Variants in ZNF100 observed in about 807,000 individuals in gnomAD.
ZNF100 encodes the protein zinc finger protein 100.
ZNF100 carries 12 observed loss-of-function variants against 15.8 expected under a neutral mutation model. That is an observed-to-expected ratio of 0.76 (90% CI 0.49 to 1.23). The LOEUF is 1.23. Ranked by LOEUF, ZNF100 falls within the 50% of genes most tolerant of loss-of-function variation. The pLI is 0.00. For missense variants in ZNF100, 670 were observed against 635.6 expected (o/e 1.05, Z -0.58); for synonymous variants, 226 against 214.8 (o/e 1.05, Z -0.45).
chr19:21,736,714 C>G (rs537483628), intron 4 of ZNF100, among the ~76,000 whole-genome samples: 2 of 152,250 alleles, frequency 1.3e-5, no homozygotes, highest in South Asian at 4.2e-4. Context: ...ACAGTGCAAT[C>G]AAATTAGAAC....
At chr19:21,765,032 A>G (rs2036537485) in intron 2 of ZNF100, among the ~76,000 whole-genome samples, 1 of 152,206 alleles carries the variant, frequency 6.6e-6, no homozygotes, top group South Asian at 2.1e-4. Context: ...AACACACCTG[A>G]GAAAATTCCT....
intron 2 of ZNF100, among the ~76,000 whole-genome samples, chr19:21,764,753 A>G (rs1049625706): frequency 6.6e-6 from 1 of 152,202 alleles, no homozygotes; most frequent in Non-Finnish European, 1.5e-5. Context: ...GAGCACTTCT[A>G]AACAGTACCG....
chr19:21,727,122 C>G lies in ZNF100; in HGVS notation c.1190G>C (p.Gly397Ala), dbSNP rs1457971985. The G allele has an allele frequency of 6.2e-7, 1 of 1,611,762 alleles. No individual in the cohort carries two copies. Among genetic ancestry groups the G allele is most frequent in the Admixed American group, 1.7e-5 (1 of 59,920 alleles). ...YLTKHKTSHT[G>A]EKFYKCEECG... ...TTCTTCACATTTGTAGAATTTCTCT[C>G]CAGTATGACTTGTCTTATGTTTAGT... is the stretch of plus-strand genomic sequence containing the variant. The change falls in exon 5 of 5, where the codon GGA becomes GCA. Residue 397 changes from glycine (G) to alanine (A), a missense_variant. Transcript: ENST00000358296.
chr19:21,743,758 C>T (rs2036160247), intron 4 of ZNF100, among the ~76,000 whole-genome samples: 1 of 149,994 alleles, frequency 6.7e-6, no homozygotes, highest in South Asian at 2.1e-4. Flanking sequence ...AGGACTCTGG[C>T]TCTCACTGTA....
chr19:21,742,601 T>C (rs945347562), intron 4 of ZNF100, among the ~76,000 whole-genome samples: 2 of 152,112 alleles, frequency 1.3e-5, no homozygotes, highest in Non-Finnish European at 2.9e-5. Context: ...TCAATGCTTC[T>C]ATTTTAACGT....
intron 4 of ZNF100, among the ~76,000 whole-genome samples, chr19:21,730,680 TCAA>T (rs1486171909): frequency 1.3e-5 from 2 of 152,152 alleles, no homozygotes; most frequent in Non-Finnish European, 1.5e-5. Flanking sequence ...AGAAGATTCC[TCAA>T]CAATATCGGG....
chr19:21,762,658 T>C (rs2036499939), intron 2 of ZNF100, among the ~76,000 whole-genome samples: 1 of 152,150 alleles, frequency 6.6e-6, no homozygotes, highest in Non-Finnish European at 1.5e-5. Context: ...AAGATTGATC[T>C]TCGTCCCACT....
rs1568286971 is a variant in ZNF100 at position 21,727,314 on chromosome 19, G to C, written c.998C>G (p.Thr333Ser). Residue 333 changes from threonine to serine, a missense_variant, in exon 5 of 5, where the codon ACT becomes AGT. Physicochemically the swap from Thr to Ser is moderately conservative, Grantham distance 58. Coordinates refer to ENST00000358296, the MANE Select transcript of ZNF100 (RefSeq NM_173531.4). ...TCCAGTATGAATTATCCTGTGTGTA[G>C]TAAGGTGTGAGGACCGGTTAAAAGC... ...GKAFNRSSHL[T>S]THRIIHTGEK... 1.9e-6 allele frequency: 3 copies of C among 1,612,968 alleles called. No individual in the cohort carries two copies. The highest frequency in any genetic ancestry group is 4.5e-5 in the East Asian group (2 of 44,872).
chr19:21,750,871 G>C, intron 2 of ZNF100: 2 of 539,930 alleles, frequency 3.7e-6, no homozygotes, highest in Non-Finnish European at 6.6e-6. Flanking sequence ...GACCTATTGC[G>C]TGTCCCCCCA....
chr19:21,743,853 CAAAAAAAA>C (rs55874930), intron 4 of ZNF100, among the ~76,000 whole-genome samples, 156 bp downstream of exon 4: 1 of 96,632 alleles, frequency 1.0e-5, no homozygotes, highest in Non-Finnish European at 2.0e-5. Context: ...ACGTGACAGC[CAAAAAAAA>C]AAAAAAAAAA....
At chr19:21,762,323 T>C (rs1053690583) in intron 2 of ZNF100, among the ~76,000 whole-genome samples, 1 of 152,236 alleles carries the variant, frequency 6.6e-6, no homozygotes, top group African/African-American at 2.4e-5. Flanking sequence ...CAGCCACGAC[T>C]TCCTATCAGC....
intron 4 of ZNF100, among the ~76,000 whole-genome samples, chr19:21,742,380 T>C (rs2036128184): frequency 7.0e-6 from 1 of 143,386 alleles, no homozygotes; most frequent in Non-Finnish European, 1.5e-5. Context: ...CTTTTTCTTT[T>C]TTTTTTTTTT....
chr19:21,733,264 G>A (rs1273326156), intron 4 of ZNF100, among the ~76,000 whole-genome samples: 1 of 152,096 alleles, frequency 6.6e-6, no homozygotes, highest in Admixed American at 6.5e-5. Context: ...GCATAAATCT[G>A]TTAATAGATA....
chr19:21,727,407 G>A lies in ZNF100; in HGVS notation c.905C>T (p.Ser302Leu). ...AATTCTTTTATGTGTAGTAAGGTGTGAAGACCGGTTAAAAGCTTTCCCACA... is the reference window on the plus strand; with the variant it reads ...AATTCTTTTATGTGTAGTAAGGTGTAAAGACCGGTTAAAAGCTTTCCCACA... ...EECGKAFNRSSHLTTHKRIHT... is the reference protein window; with the variant it reads ...EECGKAFNRSLHLTTHKRIHT... The change falls in exon 5 of 5, where the codon TCA becomes TTA. Residue 302 changes from serine to leucine, a missense_variant. Transcript: ENST00000358296. 3 of 1,612,916 alleles carry A rather than the reference G, an allele frequency of 1.9e-6. No individual in the cohort carries two copies. The highest frequency in any genetic ancestry group is 1.7e-4 in the Middle Eastern group (1 of 6,056).
chr19:21,735,500 C>CAA (rs35742501), intron 4 of ZNF100, among the ~76,000 whole-genome samples: 9 of 82,184 alleles, frequency 1.1e-4, no homozygotes, highest in Admixed American at 1.5e-4. Flanking sequence ...GACTCTGTCT[C>CAA]AAAAAAAAAA....
intron 4 of ZNF100, among the ~76,000 whole-genome samples, chr19:21,741,643 A>G (rs4569404): frequency 0.85 from 129,675 of 151,778 alleles, 55,945 homozygotes; most frequent in Middle Eastern, 0.93. Flanking sequence ...TCAAAGTGCT[A>G]GGATTACAGG....
chr19:21,748,966 A>C (rs1197960852), intron 2 of ZNF100, among the ~76,000 whole-genome samples: 2 of 152,194 alleles, frequency 1.3e-5, no homozygotes, highest in African/African-American at 4.8e-5. Flanking sequence ...TCGGCCTCCC[A>C]AAGTGCTGGG....
chr19:21,727,559 G>C lies in ZNF100; in HGVS notation c.753C>G (p.His251Gln). 6.2e-7 allele frequency: 1 copy of C among 1,613,702 alleles called. No individual in the cohort carries two copies. The highest frequency in any genetic ancestry group is 1.1e-5 in the South Asian group (1 of 91,058). Residue 251 changes from histidine (H) to glutamine (Q), a missense_variant, in exon 5 of 5, where the codon CAC (histidine) becomes CAG (glutamine). Coordinates refer to ENST00000358296, the MANE Select transcript of ZNF100 (RefSeq NM_173531.4). ...AFNWFSTLTT[H>Q]RRIHTGEKPY... ...GTTTCTCTCCAGTATGAATTCTCCT[G>C]TGTGTAGTAAGGGTTGAGAACCAGT...
At position 21,724,525 on chromosome 19, in the gene ZNF100, C is replaced by T. The variant is rs1408346998; in HGVS notation, c.*2158G>A. ...TACTTCTACATAACTTTTATTATGA[C>T]CATAAAAATAACACTGTAATCAATA... On this transcript the variant is annotated 3_prime_UTR_variant, in exon 5 of 5. Coordinates refer to ENST00000358296, the MANE Select transcript of ZNF100 (RefSeq NM_173531.4). 6.6e-6 allele frequency: 1 copy of T among 151,952 alleles called. No homozygotes were observed. Among genetic ancestry groups the T allele is most frequent in the Non-Finnish European group, 1.5e-5 (1 of 67,962 alleles). 9.4% of individuals were successfully genotyped at this position (151,952 alleles called of 1,614,324 possible). A position where few individuals can be genotyped will look rare whatever the true frequency, so the allele number is the denominator to read the frequency against.
Sources: gnomAD v4.1 joint callset for allele counts (sites outside exome capture counted in the v4.1 genomes callset) on GRCh38, gnomAD v4.1.1 for gene constraint, MANE v1.5 for transcripts, NCBI Gene and HGNC (gene_info 2026-07-23, HGNC 2026-07-21) for gene names.